Variants in KHK observed in about 807,000 individuals in gnomAD.
The protein encoded by KHK is ketohexokinase, also known as fructokinase.
Under a neutral mutation model 36.0 loss-of-function variants are expected in KHK, and 37 were observed. The ratio of observed to expected loss-of-function variants is 1.03; its 90% CI spans 0.79 to 1.35. The LOEUF (loss-of-function observed/expected upper bound fraction) is 1.35. Among genes scored for constraint, KHK ranks in the 40% most tolerant of loss-of-function variants. The pLI, the probability that KHK is intolerant of heterozygous loss-of-function variation, is 0.00. For missense variants in KHK, 395 were observed against 391.9 expected, an observed-to-expected ratio of 1.01 and a Z score of -0.07; for synonymous variants, 161 against 162.8, an observed-to-expected ratio of 0.99 and a Z score of 0.08.
Position 27,099,940 on chromosome 2 carries a change from C to T in KHK, c.*190C>T, listed in dbSNP as rs923139613. The T allele has an allele frequency of 1.4e-5, 18 of 1,291,730 alleles. No homozygotes were observed. The African/African-American group carries it at 2.5e-4, about 18-fold the overall frequency. 80.0% of individuals were successfully genotyped at this position (1,291,730 alleles called of 1,614,324 possible). ...GGGGGATGGCTGGGGGATGCAGAGC[C>T]TCAGAGCAAATAAATCTTCCTCAGA... On this transcript the variant is annotated 3_prime_UTR_variant, in exon 8 of 8. Transcript: ENST00000260598.
intron 1 of KHK, among the ~76,000 whole-genome samples, chr2:27,090,452 C>CTTTTTTTTTTTTTTTTT (rs559420015): frequency 1.8e-5 from 2 of 110,126 alleles, no homozygotes; most frequent in East Asian, 2.7e-4. Context: ...TTTTTTCTTT[C>CTTTTTTTTTTTTTTTTT]TTTTTTTTTT....
chr2:27,096,607 C>A, intron 3 of KHK, 122 bp from the exon 4 acceptor site: 1 of 807,692 alleles, frequency 1.2e-6, no homozygotes, highest in Non-Finnish European at 2.2e-6. Context: ...TGCTGTGGAT[C>A]CAGCTTCCTG....
chr2:27,087,009 A>T lies in KHK; in HGVS notation c.-251A>T. ...GCAGGCCCAGGCAACCTGCTACGGG[A>T]AGACCGGGGACCAAGACCTCTGGGT... On this transcript the variant is annotated 5_prime_UTR_variant, in exon 1 of 8. Coordinates refer to ENST00000260598, the MANE Select transcript of KHK (RefSeq NM_006488.3). The T allele has an allele frequency of 2.4e-6, 1 of 419,364 alleles. No individual in the cohort carries two copies. The highest frequency in any genetic ancestry group is 4.3e-6 in the Non-Finnish European group (1 of 231,788). 26.0% of individuals were successfully genotyped at this position (419,364 alleles called of 1,614,324 possible).
At chr2:27,099,068 T>G in intron 5 of KHK, 128 bp from the exon 6 acceptor site, 5 of 852,690 alleles carry the variant, frequency 5.9e-6, no homozygotes, top group Non-Finnish European at 1.0e-5. Context: ...CGTGGGACAG[T>G]GAGATGCTAC....
chr2:27,094,651 G>A (rs376378105), intron 2 of KHK, 149 bp from the exon 3 acceptor site: 53 of 1,613,630 alleles, frequency 3.3e-5, no homozygotes, highest in East Asian at 1.8e-4. Flanking sequence ...TGCTGCCGCC[G>A]CCACCAAAAC....
At chr2:27,089,058 G>A (rs1172914026) in intron 1 of KHK, among the ~76,000 whole-genome samples, 1 of 152,178 alleles carries the variant, frequency 6.6e-6, no homozygotes, top group Non-Finnish European at 1.5e-5. Flanking sequence ...ACTGTGTAAA[G>A]ATCAGTGAAA....
rs771149929 is a variant in KHK at position 27,099,393 on chromosome 2, A to G, written c.654-27A>G. ...GGCTGGGGGGACGGGGTGGGCTAAC[A>G]CCCAGCTGAGTGGAGCCGTCTTGCA... On this transcript the variant is annotated intron_variant, in intron 6 of 7. Transcript: ENST00000260598. The G allele has an allele frequency of 1.9e-6, 3 of 1,612,386 alleles. No individual in the cohort carries two copies. In the Admixed American group the frequency reaches 5.0e-5, roughly 27 times the overall value.
intron 1 of KHK, among the ~76,000 whole-genome samples, chr2:27,091,482 G>A (rs191919239): frequency 1.8e-3 from 277 of 152,108 alleles, no homozygotes; most frequent in African/African-American, 6.4e-3. Flanking sequence ...ATTCTGGTTC[G>A]GTTTTTTCTC....
At position 27,093,345 on chromosome 2, in the gene KHK, AATAGCTCCTTTCCTCT is replaced by A. The variant is rs1357225804; in HGVS notation, c.209+898_209+913del. On this transcript the variant is annotated intron_variant, in intron 2 of 7. Transcript: ENST00000260598. ...GGCTGGTGACTCATTAAACCTCTTT[AATAGCTCCTTTCCTCT>A]GAGCTAGAGGCAGGACTGTGGCTCT... is the stretch of plus-strand genomic sequence containing the variant. 2.0e-5 allele frequency among the ~76,000 whole-genome samples: 3 copies of A among 152,238 alleles called. No individual in the cohort carries two copies. The East Asian group carries it at 5.8e-4, about 29-fold the overall frequency.
At chr2:27,097,748 G>C (rs987894059) in intron 5 of KHK, 99 bp downstream of exon 5, 1 of 1,540,544 alleles carries the variant, frequency 6.5e-7, no homozygotes, top group Non-Finnish European at 8.9e-7. Flanking sequence ...TTGGAATAGT[G>C]GTTCCTGGTT....
In KHK at chr2:27,100,311, T is replaced by C. The variant is rs1000198136; in HGVS notation, c.*561T>C. 1.2e-5 allele frequency: 8 copies of C among 689,824 alleles called. No individual in the cohort carries two copies. The highest frequency in any genetic ancestry group is 1.8e-5 in the Non-Finnish European group (8 of 455,678). The allele number at this position is 689,824 out of a possible 1,614,324, so 42.7% of individuals were successfully genotyped here. On this transcript the variant is annotated 3_prime_UTR_variant, in exon 8 of 8. Coordinates refer to ENST00000260598, the MANE Select transcript of KHK (RefSeq NM_006488.3). ...CAGTGGGGGGCAGGGGTGCGCCTCC[T>C]CTGCCCTGCCCACCAGCCTGTGATT...
intron 2 of KHK, among the ~76,000 whole-genome samples, chr2:27,093,447 A>G (rs1310842173): frequency 6.6e-6 from 1 of 152,168 alleles, no homozygotes; most frequent in African/African-American, 2.4e-5. Context: ...TTTATTCAGA[A>G]TTCTCCCCAT....
chr2:27,099,615 T>C, intron 7 of KHK, 38 bp downstream of exon 7: 1 of 1,614,036 alleles, frequency 6.2e-7, no homozygotes, highest in Non-Finnish European at 8.5e-7. Context: ...GACTGGGACC[T>C]GTCCCTGCCC....
In KHK at chr2:27,089,276, C is replaced by T. The variant is rs77403274; in HGVS notation, c.92+1925C>T. ...GCTTTGGTTTGCCAGAGGTTAGGGC[C>T]CCTTGCCAGGGGTGCAGGGACTGGG... On this transcript the variant is annotated intron_variant, in intron 1 of 7. Coordinates refer to ENST00000260598, the MANE Select transcript of KHK (RefSeq NM_006488.3). 7.6e-3 allele frequency among the ~76,000 whole-genome samples: 745 copies of T among 97,520 alleles called. 31 individuals carry two copies. The East Asian group carries it at 0.15, about 20-fold the overall frequency. 64.0% of individuals were successfully genotyped at this position (97,520 alleles called of 152,430 possible).
In KHK at chr2:27,088,263, T is replaced by C. The variant is rs191299601; in HGVS notation, c.92+912T>C. ...CTGGGACCACACATGCACGTCACCA[T>C]CCCAGCTGTATTTTAAATTTTGTAT... On this transcript the variant is annotated intron_variant, in intron 1 of 7. Coordinates refer to ENST00000260598, the MANE Select transcript of KHK (RefSeq NM_006488.3). Among the ~76,000 whole-genome samples the C allele has an allele frequency of 2.1e-4, 32 of 151,970 alleles. No individual in the cohort carries two copies. In the East Asian group the frequency reaches 5.8e-3, roughly 28 times the overall value.
intron 1 of KHK, among the ~76,000 whole-genome samples, chr2:27,088,735 G>T (rs146230407): frequency 6.6e-6 from 1 of 152,250 alleles, no homozygotes; most frequent in African/African-American, 2.4e-5. Context: ...ATTGGTTCTT[G>T]TATTTCCTCT....
chr2:27,089,203 G>A (rs767241667), intron 1 of KHK, among the ~76,000 whole-genome samples: 3 of 152,198 alleles, frequency 2.0e-5, no homozygotes, highest in Non-Finnish European at 4.4e-5. Flanking sequence ...GTCATCTCCT[G>A]TATACCCTGT....
In KHK at chr2:27,087,313, C is replaced by T. The variant is rs1669715340; in HGVS notation, c.54C>T (p.Ser18=). 2 of 1,600,746 alleles carry T rather than the reference C, an allele frequency of 1.2e-6. No homozygotes were observed. The highest frequency in any genetic ancestry group is 1.7e-6 in the Non-Finnish European group (2 of 1,173,376). The change falls in exon 1 of 8, where the codon AGC becomes AGT. Residue 18 remains serine (S), a synonymous_variant. Coordinates refer to ENST00000260598, the MANE Select transcript of KHK (RefSeq NM_006488.3). The part of the protein sequence containing the change: ...CVGLVVLDVI[S]LVDKYPKEDS... ...GGCTAGTGGTGCTGGACGTCATCAG[C>T]CTGGTGGACAAGTACCCTAAGGAGG...
chr2:27,096,844 A>G (rs1325834482), intron 4 of KHK, 43 bp downstream of exon 4: 4 of 1,416,040 alleles, frequency 2.8e-6, no homozygotes, highest in Non-Finnish European at 3.0e-6. Flanking sequence ...TCAACCTGCC[A>G]GCCTCCTCCA....
Sources: allele counts gnomAD v4.1 joint callset (sites outside exome capture counted in the v4.1 genomes callset), GRCh38; gene constraint gnomAD v4.1.1; transcripts MANE v1.5; gene names NCBI Gene and HGNC (gene_info 2026-07-23, HGNC 2026-07-21).